Variants in RAB7B observed in about 807,000 individuals in gnomAD.
RAB7B encodes ras-related protein Rab-7b.
intron 5 of RAB7B, among the ~76,000 whole-genome samples, chr1:205,980,672 C>T (rs1460913316): frequency 6.6e-6 from 1 of 152,214 alleles, no homozygotes; most frequent in Non-Finnish European, 1.5e-5. Flanking sequence ...GCCAGCCAGC[C>T]CACTTCCCTC....
intron 4 of RAB7B, among the ~76,000 whole-genome samples, chr1:205,988,212 GT>G (rs1380860197): frequency 3.5e-5 from 5 of 144,376 alleles, no homozygotes; most frequent in African/African-American, 1.0e-4. Flanking sequence ...TATATATGAT[GT>G]ATGTATGTGT....
intron 1 of RAB7B, among the ~76,000 whole-genome samples, chr1:205,997,551 G>T (rs1470278251): frequency 6.6e-6 from 1 of 152,196 alleles, no homozygotes; most frequent in East Asian, 1.9e-4. Context: ...TCTGACCAAA[G>T]ATCCTGGCAC....
intron 1 of RAB7B, among the ~76,000 whole-genome samples, chr1:205,995,704 A>G (rs1011100354): frequency 0.77 from 117,331 of 152,196 alleles, 45,478 homozygotes; most frequent in East Asian, 0.99. Context: ...GAAGTAGAGA[A>G]TAGAATGGTG....
chr1:205,994,258 G>A, intron 1 of RAB7B, 107 bp from the exon 2 acceptor site: 1 of 395,582 alleles, frequency 2.5e-6, no homozygotes, highest in Non-Finnish European at 4.5e-6. Flanking sequence ...TTACTGCCCT[G>A]GGCCCGGGAC....
At chr1:206,003,081 C>G (rs1660914344) in intron 1 of RAB7B, among the ~76,000 whole-genome samples, 172 bp downstream of exon 1, 1 of 152,222 alleles carries the variant, frequency 6.6e-6, no homozygotes, top group African/African-American at 2.4e-5. Flanking sequence ...CTGCCACACC[C>G]TGGGAGCTTC....
At chr1:205,981,510 C>T (rs934316579) in intron 5 of RAB7B, among the ~76,000 whole-genome samples, 3 of 131,666 alleles carry the variant, frequency 2.3e-5, no homozygotes, top group Admixed American at 7.6e-5. Context: ...ATTTCTTTCA[C>T]AATGTTAACT....
chr1:205,995,295 T>C (rs1660792011), intron 1 of RAB7B, among the ~76,000 whole-genome samples: 2 of 152,134 alleles, frequency 1.3e-5, no homozygotes, highest in Non-Finnish European at 2.9e-5. Flanking sequence ...TGGTAAACTG[T>C]ACACACAATA....
chr1:205,988,468 C>T (rs1660656945), intron 4 of RAB7B, among the ~76,000 whole-genome samples: 1 of 152,170 alleles, frequency 6.6e-6, no homozygotes, highest in African/African-American at 2.4e-5. Flanking sequence ...CTCCTGGGCT[C>T]AAGCTATCCC....
intron 1 of RAB7B, among the ~76,000 whole-genome samples, chr1:206,001,598 TA>T (rs1393396873): frequency 2.2e-4 from 33 of 152,302 alleles, no homozygotes; most frequent in African/African-American, 5.5e-4. Context: ...TACTGTTAAG[TA>T]ACAGTGAAAA....
chr1:205,984,455 G>A (rs1360879247), intron 5 of RAB7B, among the ~76,000 whole-genome samples: 2 of 152,134 alleles, frequency 1.3e-5, no homozygotes, highest in African/African-American at 2.4e-5. Flanking sequence ...ACCCTCATTT[G>A]CCCATTTCCT....
Position 205,994,136 on chromosome 1 carries a change from G to A in RAB7B, c.-1C>T, listed in dbSNP as rs1660771520. Reference sequence around the variant, plus strand: ...GGTCCACCTTCTTCCGGGGATTCATGGAAGGGCTTCAGAGCCTGTAAGGAA... The same window carrying A: ...GGTCCACCTTCTTCCGGGGATTCATAGAAGGGCTTCAGAGCCTGTAAGGAA... On this transcript the variant is annotated 5_prime_UTR_variant, in exon 2 of 6. Transcript: ENST00000617070. 2.5e-6 allele frequency: 1 copy of A among 398,534 alleles called. No homozygotes were observed. Among genetic ancestry groups the A allele is most frequent in the Non-Finnish European group, 4.4e-6 (1 of 226,102 alleles). 24.7% of individuals were successfully genotyped at this position (398,534 alleles called of 1,614,324 possible).
intron 1 of RAB7B, among the ~76,000 whole-genome samples, chr1:205,997,015 A>G (rs923833128): frequency 1.1e-4 from 16 of 152,176 alleles, no homozygotes; most frequent in Admixed American, 3.3e-4. Context: ...TTGGGTGGGG[A>G]CACAGCCAAA....
chr1:205,985,804 A>ACCATCCCCACCAGGC, intron 4 of RAB7B, 139 bp from the exon 5 acceptor site: 1 of 408,646 alleles, frequency 2.4e-6, no homozygotes. Context: ...CACCATCCCC[A>ACCATCCCCACCAGGC]CCAGGCCCAC....
chr1:206,001,179 G>C (rs902019570), intron 1 of RAB7B, among the ~76,000 whole-genome samples: 1 of 152,116 alleles, frequency 6.6e-6, no homozygotes, highest in Non-Finnish European at 1.5e-5. Context: ...GGTTTGTGGG[G>C]TGACGCAGCC....
intron 5 of RAB7B, among the ~76,000 whole-genome samples, chr1:205,979,733 G>A (rs907562517): frequency 1.0e-3 from 157 of 152,318 alleles, no homozygotes; most frequent in African/African-American, 3.7e-3. Context: ...GGGCCTCGGG[G>A]TGAGTGATGA....
At chr1:205,994,013 C>T (rs1660769003) in intron 2 of RAB7B, 70 bp downstream of exon 2, 2 of 398,434 alleles carry the variant, frequency 5.0e-6, no homozygotes, top group Admixed American at 4.4e-5. Context: ...GAGATGGGAA[C>T]ACATCAGGAG....
At chr1:205,983,309 C>T (rs2102632098) in intron 5 of RAB7B, among the ~76,000 whole-genome samples, 1 of 152,310 alleles carries the variant, frequency 6.6e-6, no homozygotes, top group African/African-American at 2.4e-5. Flanking sequence ...CCCACCATGG[C>T]CTACCATCTC....
At chr1:205,997,767 G>C (rs1660827850) in intron 1 of RAB7B, among the ~76,000 whole-genome samples, 1 of 152,202 alleles carries the variant, frequency 6.6e-6, no homozygotes, top group East Asian at 1.9e-4. Flanking sequence ...AGGGTCCTAG[G>C]AGCAAAGGGA....
In RAB7B at chr1:205,985,750, A is replaced by ACCAGGC. The variant is rs1660583920; in HGVS notation, c.397-86_397-85insGCCTGG. 137 of 344,340 alleles carry ACCAGGC rather than the reference A, an allele frequency of 4.0e-4. 4 individuals are homozygous for ACCAGGC. Among genetic ancestry groups the ACCAGGC allele is most frequent in the African/African-American group, 7.5e-4 (30 of 39,810 alleles). The allele number at this position is 344,340 out of a possible 1,614,324, so 21.3% of individuals were successfully genotyped here. A position where few individuals can be genotyped will look rare whatever the true frequency, so the allele number is the denominator to read the frequency against. Reference sequence around the variant, plus strand: ...CCACCATCACATCCCCACCATCCCCATCAGGCCCACCATCCCCACCATCCC... The same window carrying ACCAGGC: ...CCACCATCACATCCCCACCATCCCCACCAGGCTCAGGCCCACCATCCCCACCATCCC... On this transcript the variant is annotated intron_variant, in intron 4 of 5. Transcript: ENST00000617070.
Sources: gnomAD v4.1 joint callset for allele counts (sites outside exome capture counted in the v4.1 genomes callset) on GRCh38, gnomAD v4.1.1 for gene constraint, MANE v1.5 for transcripts, NCBI Gene and HGNC (gene_info 2026-07-23, HGNC 2026-07-21) for gene names.